KHDRBS2: variants seen among roughly 807,000 people sequenced by gnomAD.
The protein encoded by KHDRBS2 is KH RNA binding domain containing, signal transduction associated 2.
A neutral mutation model predicts 44.3 loss-of-function variants in KHDRBS2; 26 were observed. The observed-to-expected ratio is 0.59, with a 90% confidence interval of 0.43 to 0.81. The LOEUF (loss-of-function observed/expected upper bound fraction) is 0.81, where lower values mean the gene tolerates loss of function less well. Ranked by LOEUF, KHDRBS2 falls within the 40% of genes least tolerant of loss-of-function variation. The pLI, the probability that KHDRBS2 is intolerant of heterozygous loss-of-function variation, is 0.00. For missense variants in KHDRBS2, 476 were observed against 433.1 expected (o/e 1.10, Z -0.88); for synonymous variants, 194 against 151.1 (o/e 1.28, Z -2.08).
chr6:61,619,705 C>T, the KHDRBS2 span, among the ~76,000 whole-genome samples: 8 of 152,190 alleles, frequency 5.3e-5, no homozygotes, highest in East Asian at 5.8e-4. Flanking sequence ...CCACCTGCCT[C>T]GGCCTCCCAA....
At chr6:61,682,427 T>C (rs1175685253) in intron 8 of KHDRBS2, among the ~76,000 whole-genome samples, 1 of 151,898 alleles carries the variant, frequency 6.6e-6, no homozygotes. Flanking sequence ...GAAATAAATA[T>C]AACAAATGTT....
intron 2 of KHDRBS2, among the ~76,000 whole-genome samples, chr6:62,121,320 T>C (rs1807578444): frequency 6.6e-6 from 1 of 152,210 alleles, no homozygotes. Flanking sequence ...CAAAGATTAG[T>C]GCCACCATCA....
chr6:61,887,475 C>T (rs1333212461), intron 6 of KHDRBS2, among the ~76,000 whole-genome samples: 3 of 152,068 alleles, frequency 2.0e-5, no homozygotes, highest in South Asian at 4.1e-4. Flanking sequence ...GTCTGGGTTA[C>T]GATGTGTAAC....
intron 6 of KHDRBS2, among the ~76,000 whole-genome samples, chr6:61,737,272 A>G: frequency 6.6e-6 from 1 of 152,118 alleles, no homozygotes; most frequent in Non-Finnish European, 1.5e-5. Flanking sequence ...TGTCCTGCTA[A>G]CCTAAACTTT....
the KHDRBS2 span, among the ~76,000 whole-genome samples, chr6:61,657,174 T>C: frequency 2.0e-5 from 3 of 152,006 alleles, no homozygotes; most frequent in African/African-American, 7.2e-5. Context: ...AGTAAGTGGC[T>C]GTCATCATTA....
chr6:61,546,007 C>T, the KHDRBS2 span, among the ~76,000 whole-genome samples: 1 of 152,136 alleles, frequency 6.6e-6, no homozygotes, highest in Admixed American at 6.6e-5. Flanking sequence ...TTAAGCCATA[C>T]AGCTCCTCAT....
In KHDRBS2 at chr6:61,832,245, C is replaced by G. The variant is rs868677192; in HGVS notation, c.810+62390G>C. Among the ~76,000 whole-genome samples, 39 of 151,690 alleles carry G rather than the reference C, an allele frequency of 2.6e-4. 1 individual carries two copies. Among genetic ancestry groups the G allele is most frequent in the Admixed American group, 7.9e-4 (12 of 15,262 alleles). Reference sequence around the variant, plus strand: ...CAAGACACTACCTCAAAAGAAACAACAAAAAAAGGAAAGTATTGAATGGTC... The same window carrying G: ...CAAGACACTACCTCAAAAGAAACAAGAAAAAAAGGAAAGTATTGAATGGTC... On this transcript the variant is annotated intron_variant, in intron 6 of 8. Transcript: ENST00000281156.
chr6:62,174,918 T>A (rs1306333193), intron 2 of KHDRBS2, among the ~76,000 whole-genome samples: 1 of 151,746 alleles, frequency 6.6e-6, no homozygotes, highest in Non-Finnish European at 1.5e-5. Context: ...ATTTTACAGA[T>A]CATAAATGTA....
rs1036876881 is a variant in KHDRBS2, at chr6:61,721,570, G to A, written c.893+11112C>T. On this transcript the variant is annotated intron_variant, in intron 7 of 8. Transcript: ENST00000281156. ...TGAATGGGAGTTCACTCATGATTTG[G>A]CTCTCTGTTTGTCTGTTGTTGGTGT... 1.0e-4 allele frequency among the ~76,000 whole-genome samples: 14 copies of A among 138,004 alleles called. 1 individual carries two copies. Among genetic ancestry groups the A allele is most frequent in the South Asian group, 9.5e-4 (4 of 4,200 alleles). The allele number at this position is 138,004 out of a possible 152,430, so 90.5% of individuals were successfully genotyped here.
At chr6:61,752,776 C>G (rs1743135934) in intron 6 of KHDRBS2, among the ~76,000 whole-genome samples, 1 of 148,798 alleles carries the variant, frequency 6.7e-6, no homozygotes, top group Non-Finnish European at 1.5e-5. Context: ...AAAGATTAAA[C>G]TGAGTATATA....
At chr6:61,612,485 A>G in the KHDRBS2 span, among the ~76,000 whole-genome samples, 2 of 152,204 alleles carry the variant, frequency 1.3e-5, no homozygotes, top group Admixed American at 1.3e-4. Flanking sequence ...CAGTTTTCTT[A>G]ACTTTAAAAT....
intron 6 of KHDRBS2, among the ~76,000 whole-genome samples, chr6:61,775,759 C>T (rs530665902): frequency 6.6e-6 from 1 of 152,314 alleles, no homozygotes; most frequent in South Asian, 2.1e-4. Context: ...ATCAAGCTAC[C>T]AGTGACTTTC....
intron 2 of KHDRBS2, among the ~76,000 whole-genome samples, chr6:62,143,193 A>C (rs1813223261): frequency 6.6e-6 from 1 of 151,924 alleles, no homozygotes; most frequent in Non-Finnish European, 1.5e-5. Flanking sequence ...TCTGACAATA[A>C]AATTTATGCA....
At chr6:61,749,093 A>G (rs1357203671) in intron 6 of KHDRBS2, among the ~76,000 whole-genome samples, 2 of 148,706 alleles carry the variant, frequency 1.3e-5, no homozygotes, top group Non-Finnish European at 3.0e-5. Context: ...GCTCACTGCA[A>G]ACTCCGCCTC....
At chr6:61,951,553 C>A (rs1359655151) in intron 4 of KHDRBS2, among the ~76,000 whole-genome samples, 3 of 152,020 alleles carry the variant, frequency 2.0e-5, no homozygotes, top group African/African-American at 7.2e-5. Context: ...TAATTTAAGG[C>A]ATTTGTATAA....
intron 6 of KHDRBS2, among the ~76,000 whole-genome samples, chr6:61,890,590 G>A (rs771064004): frequency 3.3e-5 from 5 of 152,136 alleles, no homozygotes; most frequent in Non-Finnish European, 5.9e-5. Flanking sequence ...AAACTGATCT[G>A]TTTAAGCCTC....
At chr6:61,844,298 T>A (rs1712636834) in intron 6 of KHDRBS2, among the ~76,000 whole-genome samples, 1 of 152,176 alleles carries the variant, frequency 6.6e-6, no homozygotes. Flanking sequence ...TTCACTAAAG[T>A]ACATTCCATT....
rs74615849 is a variant in KHDRBS2, at chr6:62,043,915, C to T, written c.336+3963G>A. Among the ~76,000 whole-genome samples the T allele has an allele frequency of 5.3e-3, 798 of 151,954 alleles. 8 individuals carry two copies. Among genetic ancestry groups the T allele is most frequent in the African/African-American group, 0.018 (743 of 41,464 alleles). ...TTGTCATTCTATCTACCTACTAATC[C>T]GAATGACTGTTATTTTCTTAATTTT... On this transcript the variant is annotated intron_variant, in intron 3 of 8. Coordinates refer to ENST00000281156, the MANE Select transcript of KHDRBS2 (RefSeq NM_152688.4).
chr6:61,610,575 T>C, the KHDRBS2 span, among the ~76,000 whole-genome samples: 1 of 152,218 alleles, frequency 6.6e-6, no homozygotes, highest in African/African-American at 2.4e-5. Context: ...CACACACTTG[T>C]TGGCTGCAGG....
Sources: gnomAD v4.1 joint callset for allele counts (sites outside exome capture counted in the v4.1 genomes callset) on GRCh38, gnomAD v4.1.1 for gene constraint, MANE v1.5 for transcripts, NCBI Gene and HGNC (gene_info 2026-07-23, HGNC 2026-07-21) for gene names.